The following SNAP91 variants were observed in gnomAD, a reference collection of about 807,000 sequenced individuals.
SNAP91 encodes the protein clathrin coat assembly protein AP180.
SNAP91 carries 27 observed loss-of-function variants against 100.3 expected under a neutral mutation model. The observed-to-expected ratio is 0.27, with a 90% CI of 0.20 to 0.37. SNAP91 has a LOEUF of 0.37. Among genes scored for constraint, SNAP91 ranks in the 10% least tolerant of loss-of-function variants. The pLI is 1.00. For synonymous variants in SNAP91, 404 were observed against 398.6 expected (o/e 1.01, Z -0.16); for missense variants, 986 against 1,123.7 (o/e 0.88, Z 1.75).
intron 2 of SNAP91, among the ~76,000 whole-genome samples, chr6:83,668,231 G>A (rs991215773): frequency 1.5e-4 from 23 of 152,140 alleles, no homozygotes; most frequent in African/African-American, 4.8e-4. Flanking sequence ...CACTGTTGAT[G>A]GGACTGTAAA....
chr6:83,651,196 C>G (rs1264580390), intron 7 of SNAP91, among the ~76,000 whole-genome samples: 1 of 151,912 alleles, frequency 6.6e-6, no homozygotes, highest in Non-Finnish European at 1.5e-5. Flanking sequence ...TTTCAAAGAA[C>G]CAGCTTTTGG....
At position 83,605,721 on chromosome 6, in the gene SNAP91, G is replaced by A; in HGVS notation, c.1105C>T (p.Pro369Ser). ...GGAAAAAAPA[P>S]PPPAGGATAW... ...GTGGCTCCTCCAGCAGGTGGTGGTGGTGCTGGTGCTGCGGCTGCTGCTGCC... is the reference window on the plus strand; with the variant it reads ...GTGGCTCCTCCAGCAGGTGGTGGTGATGCTGGTGCTGCGGCTGCTGCTGCC... Residue 369 changes from proline to serine, a missense_variant, in exon 14 of 30, where the codon CCA becomes TCA. By Grantham distance (74) the Pro-to-Ser change is moderately conservative (BLOSUM62 -1). Coordinates refer to ENST00000369694, the MANE Select transcript of SNAP91 (RefSeq NM_001242792.2). The A allele has an allele frequency of 1.3e-6, 2 of 1,552,244 alleles. No homozygotes were observed. The highest frequency in any genetic ancestry group is 1.7e-6 in the Non-Finnish European group (2 of 1,147,210).
chr6:83,671,114 C>G (rs2128821540), intron 2 of SNAP91, among the ~76,000 whole-genome samples: 1 of 152,060 alleles, frequency 6.6e-6, no homozygotes, highest in East Asian at 1.9e-4. Context: ...AAACTGGCAT[C>G]TTAACAATAT....
At chr6:83,706,131 A>G (rs998762528) in intron 2 of SNAP91, among the ~76,000 whole-genome samples, 6 of 152,244 alleles carry the variant, frequency 3.9e-5, no homozygotes. Context: ...TATCTGAATG[A>G]TGTTTTAATG....
intron 29 of SNAP91, 74 bp downstream of exon 29, chr6:83,556,069 G>T: frequency 2.7e-6 from 2 of 754,022 alleles, no homozygotes; most frequent in South Asian, 1.8e-5. Flanking sequence ...CAGAAATAAT[G>T]AGTACCTCTG....
At chr6:83,660,300 G>A (rs1031090357) in intron 5 of SNAP91, among the ~76,000 whole-genome samples, 3 of 152,096 alleles carry the variant, frequency 2.0e-5, no homozygotes, top group Non-Finnish European at 4.4e-5. Context: ...AGAGGGTGAA[G>A]GAAAACACCT....
At chr6:83,603,561 GT>G (rs902774752) in intron 14 of SNAP91, among the ~76,000 whole-genome samples, 1 of 150,408 alleles carries the variant, frequency 6.6e-6, no homozygotes, top group Non-Finnish European at 1.5e-5. Context: ...CAGTGAGTTC[GT>G]TTTACTGTCT....
chr6:83,594,301 T>C (rs756904188), intron 17 of SNAP91, 73 bp downstream of exon 17: 3 of 1,118,564 alleles, frequency 2.7e-6, no homozygotes, highest in Admixed American at 2.1e-5. Flanking sequence ...GAAAAACATA[T>C]GGCCTCTTCT....
At chr6:83,581,968 G>A (rs554574962) in intron 23 of SNAP91, among the ~76,000 whole-genome samples, 1 of 152,272 alleles carries the variant, frequency 6.6e-6, no homozygotes, top group African/African-American at 2.4e-5. Flanking sequence ...AATAGATGGT[G>A]TGCAGGTTAA....
At chr6:83,568,199 C>T (rs1358599378) in intron 26 of SNAP91, among the ~76,000 whole-genome samples, 1 of 152,088 alleles carries the variant, frequency 6.6e-6, no homozygotes, top group Admixed American at 6.6e-5. Flanking sequence ...TTTGTAGGGA[C>T]ATGGATGAAG....
intron 8 of SNAP91, among the ~76,000 whole-genome samples, chr6:83,634,959 C>T (rs1050148333): frequency 6.6e-5 from 10 of 152,170 alleles, no homozygotes; most frequent in African/African-American, 2.4e-4. Flanking sequence ...TTCAGAGTTC[C>T]TCTTGGTATT....
intron 9 of SNAP91, among the ~76,000 whole-genome samples, chr6:83,620,111 T>C (rs1001023392): frequency 6.6e-6 from 1 of 152,216 alleles, no homozygotes; most frequent in African/African-American, 2.4e-5. Context: ...GATGATTGCA[T>C]TCATGTTTAA....
At chr6:83,565,662 C>A (rs1410744800) in intron 26 of SNAP91, among the ~76,000 whole-genome samples, 1 of 152,060 alleles carries the variant, frequency 6.6e-6, no homozygotes, top group Non-Finnish European at 1.5e-5. Context: ...CATAAATAGA[C>A]CTTTCTCTAA....
At chr6:83,657,503 C>T (rs368811011) in intron 6 of SNAP91, among the ~76,000 whole-genome samples, 67 of 152,184 alleles carry the variant, frequency 4.4e-4, no homozygotes, top group African/African-American at 1.2e-3. Context: ...AAAGGCAATT[C>T]GACAGATACT....
chr6:83,661,371 T>G, intron 5 of SNAP91, 131 bp downstream of exon 5: 1 of 547,738 alleles, frequency 1.8e-6, no homozygotes, highest in South Asian at 3.2e-5. Flanking sequence ...TATTATTGAG[T>G]TCCTTTTTTT....
intron 2 of SNAP91, among the ~76,000 whole-genome samples, chr6:83,700,557 G>C (rs1006574932): frequency 6.6e-6 from 1 of 151,484 alleles, no homozygotes; most frequent in Non-Finnish European, 1.5e-5. Flanking sequence ...TTACAGATGA[G>C]GCTTATTACT....
chr6:83,592,229 A>T (rs2128196297), intron 21 of SNAP91, among the ~76,000 whole-genome samples: 1 of 152,286 alleles, frequency 6.6e-6, no homozygotes. Flanking sequence ...CCAAGTGAAA[A>T]ATTATGTGTT....
chr6:83,642,763 A>C lies in SNAP91; in HGVS notation c.659-1561T>G, dbSNP rs1315201700. On this transcript the variant is annotated intron_variant, in intron 7 of 29. Transcript: ENST00000369694. Reference sequence around the variant, plus strand: ...AGTTCTAGATCCCTGAGGAATTGCCACACTGTCTTCCACAATGGTTGAACT... The same window carrying C: ...AGTTCTAGATCCCTGAGGAATTGCCCCACTGTCTTCCACAATGGTTGAACT... Among the ~76,000 whole-genome samples the C allele has an allele frequency of 3.3e-5, 5 of 152,154 alleles. No individual in the cohort carries two copies. In the East Asian group the frequency reaches 7.7e-4, roughly 23 times the overall value.
intron 8 of SNAP91, among the ~76,000 whole-genome samples, chr6:83,640,007 C>A (rs542872501): frequency 6.6e-6 from 1 of 152,152 alleles, no homozygotes; most frequent in Non-Finnish European, 1.5e-5. Flanking sequence ...CACTGATAAA[C>A]CCATGAGGAA....
Sources: allele counts gnomAD v4.1 joint callset (sites outside exome capture counted in the v4.1 genomes callset), GRCh38; gene constraint gnomAD v4.1.1; transcripts MANE v1.5; gene names NCBI Gene and HGNC (gene_info 2026-07-23, HGNC 2026-07-21).